EML6: variants seen among roughly 807,000 people sequenced by gnomAD.
EML6 encodes the protein echinoderm microtubule-associated protein-like 6.
A neutral mutation model predicts 240.1 loss-of-function variants in EML6; 154 were observed. That is an observed-to-expected ratio of 0.64 (90% CI 0.56 to 0.73). EML6 has a LOEUF of 0.73. EML6 is among the 30% of genes least tolerant of loss of function. EML6 has a pLI of 0.00. For synonymous variants in EML6, 1,148 were observed against 899.0 expected, an observed-to-expected ratio of 1.28 and a Z score of -4.95; for missense variants, 2,964 against 2,474.6, an observed-to-expected ratio of 1.20 and a Z score of -4.20.
At chr2:54,850,377 G>A (rs1051186171) in intron 10 of EML6, 159 bp downstream of exon 10, 2 of 620,242 alleles carry the variant, frequency 3.2e-6, no homozygotes, top group Non-Finnish European at 5.6e-6. Flanking sequence ...AATGTTTTCT[G>A]TCGCAAGATC....
At chr2:54,941,558 C>T (rs181648409) in intron 28 of EML6, among the ~76,000 whole-genome samples, 7 of 152,338 alleles carry the variant, frequency 4.6e-5, no homozygotes, top group Non-Finnish European at 8.8e-5. Flanking sequence ...GCTGGATTTA[C>T]CATATAGAGA....
chr2:54,924,678 C>T (rs901203673), intron 26 of EML6, among the ~76,000 whole-genome samples: 9 of 152,200 alleles, frequency 5.9e-5, no homozygotes, highest in African/African-American at 2.4e-5. Flanking sequence ...TCTCCTGCTT[C>T]AGCCTCCTGA....
chr2:54,888,374 G>A (rs1276839350), intron 17 of EML6, among the ~76,000 whole-genome samples: 2 of 152,144 alleles, frequency 1.3e-5, no homozygotes, highest in Non-Finnish European at 2.9e-5. Flanking sequence ...TTGCAACCTG[G>A]GTTACATGAT....
At chr2:54,835,153 A>G (rs1669075101) in intron 7 of EML6, among the ~76,000 whole-genome samples, 1 of 152,238 alleles carries the variant, frequency 6.6e-6, no homozygotes, top group Non-Finnish European at 1.5e-5. Context: ...GATCTCTTCT[A>G]GAATTGCAAC....
chr2:54,782,011 A>G (rs1230478854), intron 2 of EML6, among the ~76,000 whole-genome samples: 1 of 152,140 alleles, frequency 6.6e-6, no homozygotes, highest in Non-Finnish European at 1.5e-5. Context: ...ATATTGAGTT[A>G]CCTTTTCTAC....
chr2:54,823,317 C>A (rs749889012), intron 5 of EML6, among the ~76,000 whole-genome samples: 2 of 152,018 alleles, frequency 1.3e-5, no homozygotes, highest in Non-Finnish European at 2.9e-5. Flanking sequence ...CAGAACTAGG[C>A]GAGGGGTTGC....
At chr2:54,911,772 T>C (rs748519944) in intron 25 of EML6, among the ~76,000 whole-genome samples, 10 of 152,196 alleles carry the variant, frequency 6.6e-5, no homozygotes, top group Non-Finnish European at 1.2e-4. Context: ...CAATCTGCAA[T>C]CTGACCATTG....
At chr2:54,872,156 C>G (rs1226480064) in intron 16 of EML6, among the ~76,000 whole-genome samples, 2 of 152,066 alleles carry the variant, frequency 1.3e-5, no homozygotes, top group African/African-American at 2.4e-5. Flanking sequence ...AAAATTTGAA[C>G]ACAGTATCAT....
intron 26 of EML6, among the ~76,000 whole-genome samples, chr2:54,921,351 T>G (rs1041885946): frequency 3.3e-5 from 5 of 152,252 alleles, no homozygotes; most frequent in South Asian, 4.1e-4. Context: ...ATAAAATGTT[T>G]AGGAATAAGT....
At chr2:54,966,087 G>T (rs1676733611) in intron 38 of EML6, among the ~76,000 whole-genome samples, 1 of 152,258 alleles carries the variant, frequency 6.6e-6, no homozygotes. Context: ...TTCAGTCCCT[G>T]CTTCCTGGAG....
chr2:54,781,779 C>G (rs996367704), intron 2 of EML6, among the ~76,000 whole-genome samples: 1 of 152,100 alleles, frequency 6.6e-6, no homozygotes, highest in African/African-American at 2.4e-5. Context: ...AAGTGATCCT[C>G]CCACTTCAGC....
chr2:54,895,789 G>C (rs1453822080), intron 21 of EML6, among the ~76,000 whole-genome samples: 1 of 151,324 alleles, frequency 6.6e-6, no homozygotes, highest in Non-Finnish European at 1.5e-5. Flanking sequence ...TTTTTTTCTT[G>C]CTGGCTGTTG....
rs966916004 is a variant in EML6, at chr2:54,790,818, C to T, written c.198-22414C>T. On this transcript the variant is annotated intron_variant, in intron 2 of 41. Coordinates refer to ENST00000356458, the MANE Select transcript of EML6 (RefSeq NM_001039753.4). ...TTGGCTCACTGCAAGCTCCGCCTCC[C>T]AGGTTCACACCATTCTCCTGCCTCA... Among the ~76,000 whole-genome samples, 288 of 151,364 alleles carry T rather than the reference C, an allele frequency of 1.9e-3. 3 individuals carry two copies. The highest frequency in any genetic ancestry group is 6.2e-3 in the African/African-American group (255 of 41,158).
At chr2:54,819,723 C>T (rs544409188) in intron 4 of EML6, among the ~76,000 whole-genome samples, 1 of 95,914 alleles carries the variant, frequency 1.0e-5, no homozygotes, top group Non-Finnish European at 2.6e-5. Context: ...TGCAGTGAGC[C>T]GAGATCACGC....
At chr2:54,820,347 A>G in intron 4 of EML6, 47 bp from the exon 5 acceptor site, 1 of 1,376,700 alleles carries the variant, frequency 7.3e-7, no homozygotes, top group South Asian at 1.3e-5. Flanking sequence ...GGAAAAGGCA[A>G]AAATATACCA....
chr2:54,781,068 A>C (rs1668835173), intron 2 of EML6, among the ~76,000 whole-genome samples: 2 of 152,242 alleles, frequency 1.3e-5, no homozygotes, highest in African/African-American at 4.8e-5. Context: ...ATTTACCTTT[A>C]TTAAGTACTT....
chr2:54,884,168 G>A (rs774349894), intron 17 of EML6, among the ~76,000 whole-genome samples: 6 of 152,136 alleles, frequency 3.9e-5, no homozygotes, highest in South Asian at 2.1e-4. Context: ...CCTTGGGTTC[G>A]ATTAATTTGC....
chr2:54,913,820 G>C (rs955224303), intron 25 of EML6, among the ~76,000 whole-genome samples: 1 of 152,132 alleles, frequency 6.6e-6, no homozygotes, highest in Non-Finnish European at 1.5e-5. Context: ...AATCCATCTT[G>C]AGTTAATTTT....
chr2:54,893,784 A>G (rs1672608237), intron 19 of EML6, among the ~76,000 whole-genome samples: 1 of 152,150 alleles, frequency 6.6e-6, no homozygotes, highest in Non-Finnish European at 1.5e-5. Context: ...CTACTACAAA[A>G]GTAGGTTCTT....
Sources: allele counts gnomAD v4.1 joint callset (sites outside exome capture counted in the v4.1 genomes callset), GRCh38; gene constraint gnomAD v4.1.1; transcripts MANE v1.5; gene names NCBI Gene and HGNC (gene_info 2026-07-23, HGNC 2026-07-21).